RGS6: variants seen among roughly 807,000 people sequenced by gnomAD.
RGS6 encodes regulator of G-protein signaling 6.
RGS6 carries 30 observed loss-of-function variants against 78.5 expected under a neutral mutation model. The observed-to-expected ratio is 0.38, with a 90% CI of 0.29 to 0.52. RGS6 has a LOEUF of 0.52. Among genes scored for constraint, RGS6 ranks in the 20% least tolerant of loss-of-function variants. The pLI is 0.85. For missense variants in RGS6, 495 were observed against 609.7 expected, an observed-to-expected ratio of 0.81 and a Z score of 1.98; for synonymous variants, 206 against 206.0, an observed-to-expected ratio of 1.00 and a Z score of 0.00.
rs1429778801 is a variant in RGS6 at position 72,564,093 on chromosome 14, G to C, written c.*1626G>C. The C allele has an allele frequency of 6.6e-6, 1 of 152,312 alleles. No homozygotes were observed. Among genetic ancestry groups the C allele is most frequent in the African/African-American group, 2.4e-5 (1 of 41,458 alleles). The allele number at this position is 152,312 out of a possible 1,614,324, so 9.4% of individuals were successfully genotyped here. ...TTCCACCCCACCACCTCCAAGTCCTGTCTATGTCTGCTTCCACACAGCCCT... is the reference window on the plus strand; with the variant it reads ...TTCCACCCCACCACCTCCAAGTCCTCTCTATGTCTGCTTCCACACAGCCCT... On this transcript the variant is annotated 3_prime_UTR_variant, in exon 18 of 18. Coordinates refer to ENST00000553525, the MANE Select transcript of RGS6 (RefSeq NM_001204424.2).
At chr14:72,528,444 G>A (rs904085445) in intron 15 of RGS6, among the ~76,000 whole-genome samples, 3 of 152,124 alleles carry the variant, frequency 2.0e-5, no homozygotes, top group Non-Finnish European at 4.4e-5. Flanking sequence ...CACTGCTGAG[G>A]ACTCTGGCTA....
At chr14:72,120,482 C>G (rs1376370864) in intron 2 of RGS6, among the ~76,000 whole-genome samples, 1 of 152,052 alleles carries the variant, frequency 6.6e-6, no homozygotes, top group Non-Finnish European at 1.5e-5. Flanking sequence ...ATGAGTAACT[C>G]AAAAGAAATG....
chr14:72,352,098 G>A lies in RGS6; in HGVS notation c.88G>A (p.Glu30Lys). Reference protein sequence around the residue: ...SPNMIVYCKIEDIITKMQDDK... With the variant: ...SPNMIVYCKIKDIITKMQDDK... The stretch of plus-strand genomic sequence containing the variant: ...TCTTTTCTTTAACCTCTTTCAGATT[G>A]AAGACATCATTACAAAGATGCAAGA... The change falls in exon 3 of 18, where the codon GAA becomes AAA. Residue 30 changes from glutamate (E) to lysine (K), a missense_variant. Transcript: ENST00000553525. 6.2e-7 allele frequency: 1 copy of A among 1,609,030 alleles called. No homozygotes were observed. Among genetic ancestry groups the A allele is most frequent in the Non-Finnish European group, 8.5e-7 (1 of 1,177,064 alleles).
At chr14:72,262,187 C>T (rs2058289969) in intron 2 of RGS6, among the ~76,000 whole-genome samples, 1 of 152,170 alleles carries the variant, frequency 6.6e-6, no homozygotes, top group Non-Finnish European at 1.5e-5. Context: ...ACCCTCACAG[C>T]ATGACAAATT....
the RGS6 span, among the ~76,000 whole-genome samples, chr14:72,608,221 A>G: frequency 6.6e-6 from 1 of 152,188 alleles, no homozygotes; most frequent in African/African-American, 2.4e-5. Flanking sequence ...CTGTAGCCCC[A>G]GTACCTAGCA....
intron 3 of RGS6, among the ~76,000 whole-genome samples, chr14:72,378,299 C>G (rs994007334): frequency 2.6e-5 from 4 of 151,312 alleles, no homozygotes; most frequent in African/African-American, 7.3e-5. Flanking sequence ...TCTCCAGAAA[C>G]CAGAAAACTG....
At chr14:72,244,114 T>C (rs1040759702) in intron 2 of RGS6, among the ~76,000 whole-genome samples, 1 of 152,162 alleles carries the variant, frequency 6.6e-6, no homozygotes, top group African/African-American at 2.4e-5. Context: ...GAATGCTCTG[T>C]TCACTCCCTG....
intron 7 of RGS6, among the ~76,000 whole-genome samples, chr14:72,469,213 T>C (rs1401342178): frequency 6.6e-6 from 1 of 151,958 alleles, no homozygotes; most frequent in African/African-American, 2.4e-5. Context: ...GGCACTTTTT[T>C]TTTTTTTTTT....
chr14:71,929,212 T>C (rs933119445), upstream of RGS6, among the ~76,000 whole-genome samples: 1 of 152,232 alleles, frequency 6.6e-6, no homozygotes, highest in Non-Finnish European at 1.5e-5. Context: ...AATCCACTGA[T>C]TGTGCCACAA....
At chr14:72,237,704 A>C (rs2051484121) in intron 2 of RGS6, among the ~76,000 whole-genome samples, 1 of 152,012 alleles carries the variant, frequency 6.6e-6, no homozygotes. Context: ...TGGCCCACTT[A>C]TTTGACTGCC....
chr14:72,142,222 A>G (rs2096549740), intron 2 of RGS6, among the ~76,000 whole-genome samples: 1 of 152,146 alleles, frequency 6.6e-6, no homozygotes, highest in Non-Finnish European at 1.5e-5. Context: ...ATAGCACTGT[A>G]ATTAATGGGC....
chr14:72,332,831 G>A (rs893285273), intron 2 of RGS6, among the ~76,000 whole-genome samples: 2 of 152,194 alleles, frequency 1.3e-5, no homozygotes, highest in African/African-American at 2.4e-5. Flanking sequence ...CAGGGAGATG[G>A]GACCTGCATA....
chr14:72,002,107 C>T (rs1031925189), intron 2 of RGS6, among the ~76,000 whole-genome samples: 1 of 151,742 alleles, frequency 6.6e-6, no homozygotes, highest in African/African-American at 2.4e-5. Flanking sequence ...TTTGCCATGT[C>T]ACCCAGGCTG....
At chr14:72,410,722 A>AT (rs2093345284) in intron 3 of RGS6, among the ~76,000 whole-genome samples, 1 of 152,200 alleles carries the variant, frequency 6.6e-6, no homozygotes, top group Non-Finnish European at 1.5e-5. Context: ...TAAGTCTTTA[A>AT]TCCATCTTGA....
At chr14:72,027,217 A>AAGAGAG (rs57652090) in intron 2 of RGS6, among the ~76,000 whole-genome samples, 3 of 148,950 alleles carry the variant, frequency 2.0e-5, no homozygotes, top group African/African-American at 7.4e-5. Context: ...CCTCTGCTTT[A>AAGAGAG]AGAGAGAGAG....
chr14:72,514,977 G>A (rs554441055), intron 14 of RGS6, among the ~76,000 whole-genome samples: 6 of 152,314 alleles, frequency 3.9e-5, no homozygotes, highest in South Asian at 4.1e-4. Flanking sequence ...TGTGGGGCTC[G>A]AAGATGGCCA....
rs115410093 is a variant in RGS6, at chr14:72,246,001, G to A, written c.85-106094G>A. Among the ~76,000 whole-genome samples, 650 of 152,308 alleles carry A rather than the reference G, an allele frequency of 4.3e-3. 7 individuals are homozygous for A. Among genetic ancestry groups the A allele is most frequent in the African/African-American group, 0.015 (622 of 41,560 alleles). ...CTCAGGGAAGGATCAGACAATCTTTGCTATACATGCTGTTTTCCAAATTCC... is the reference window on the plus strand; with the variant it reads ...CTCAGGGAAGGATCAGACAATCTTTACTATACATGCTGTTTTCCAAATTCC... On this transcript the variant is annotated intron_variant, in intron 2 of 17. Transcript: ENST00000553525.
the RGS6 span, among the ~76,000 whole-genome samples, chr14:72,613,987 T>C: frequency 6.6e-6 from 1 of 151,490 alleles, no homozygotes; most frequent in African/African-American, 2.4e-5. Context: ...CCTGCCCCAC[T>C]CTCAGCTGTC....
At chr14:72,470,174 C>G in intron 8 of RGS6, 91 bp downstream of exon 8, 1 of 936,708 alleles carries the variant, frequency 1.1e-6, no homozygotes, top group Non-Finnish European at 1.7e-6. Context: ...GTGAAGTTTC[C>G]AGATGGCGTT....
Sources: gnomAD v4.1 joint callset for allele counts (sites outside exome capture counted in the v4.1 genomes callset) on GRCh38, gnomAD v4.1.1 for gene constraint, MANE v1.5 for transcripts, NCBI Gene and HGNC (gene_info 2026-07-23, HGNC 2026-07-21) for gene names.